Variants in CEP112 observed in about 807,000 individuals in gnomAD.
CEP112 encodes the protein centrosomal protein of 112 kDa.
CEP112 carries 127 observed loss-of-function variants against 153.0 expected under a neutral mutation model. The ratio of observed to expected loss-of-function variants is 0.83; its 90% CI spans 0.72 to 0.96. The LOEUF is 0.96. Ranked by LOEUF, CEP112 falls within the 40% of genes least tolerant of loss-of-function variation. CEP112 has a pLI of 0.00. For synonymous variants in CEP112, 358 were observed against 374.4 expected (o/e 0.96, Z 0.51); for missense variants, 1,089 against 1,101.2 (o/e 0.99, Z 0.16).
At chr17:65,688,632 G>T (rs1396877207) in intron 24 of CEP112, 1 of 155,034 alleles carries the variant, frequency 6.5e-6, no homozygotes, top group Non-Finnish European at 1.4e-5. Context: ...GCACCGGAGG[G>T]AGAGTCATGA....
chr17:65,978,158 G>A (rs755339891), intron 17 of CEP112, among the ~76,000 whole-genome samples: 3 of 152,140 alleles, frequency 2.0e-5, no homozygotes, highest in Non-Finnish European at 4.4e-5. Context: ...CTGGGAGGCT[G>A]AGGCAGGAGG....
At chr17:66,108,155 G>A (rs1297762761) in intron 6 of CEP112, among the ~76,000 whole-genome samples, 1 of 152,096 alleles carries the variant, frequency 6.6e-6, no homozygotes, top group Admixed American at 6.5e-5. Flanking sequence ...AAATAAAAAT[G>A]TAGGAAAAAC....
intron 19 of CEP112, 145 bp from the exon 20 acceptor site, chr17:65,902,479 C>G: frequency 1.8e-6 from 1 of 545,132 alleles, no homozygotes; most frequent in Non-Finnish European, 3.0e-6. Flanking sequence ...GAAATACTCT[C>G]ATTTGTTGGG....
At chr17:65,659,260 T>C (rs2046226748) in intron 24 of CEP112, among the ~76,000 whole-genome samples, 1 of 152,140 alleles carries the variant, frequency 6.6e-6, no homozygotes, top group African/African-American at 2.4e-5. Flanking sequence ...TCGTTCAAAA[T>C]ATCTGATTTA....
intron 22 of CEP112, 106 bp downstream of exon 22, chr17:65,750,556 A>T: frequency 1.1e-6 from 1 of 878,344 alleles, no homozygotes; most frequent in Admixed American, 2.1e-5. Context: ...TCCACAAAAA[A>T]AAACTGAAAA....
At chr17:66,025,292 TA>T (rs1282324233) in intron 16 of CEP112, among the ~76,000 whole-genome samples, 1 of 151,974 alleles carries the variant, frequency 6.6e-6, no homozygotes, top group East Asian at 1.9e-4. Context: ...GATTTAATTT[TA>T]AAAAAGCTTC....
intron 21 of CEP112, among the ~76,000 whole-genome samples, chr17:65,805,090 C>T (rs559013320): frequency 1.3e-5 from 2 of 152,068 alleles, no homozygotes; most frequent in Non-Finnish European, 2.9e-5. Context: ...CTCAAGTGAC[C>T]TGGCCACTTT....
chr17:66,146,477 C>T (rs1215406780), intron 4 of CEP112, among the ~76,000 whole-genome samples: 1 of 151,970 alleles, frequency 6.6e-6, no homozygotes, highest in Non-Finnish European at 1.5e-5. Context: ...ATTATTATAT[C>T]TTCTTTTTAA....
intron 20 of CEP112, among the ~76,000 whole-genome samples, chr17:65,889,042 T>C (rs74784181): frequency 6.6e-6 from 1 of 152,242 alleles, no homozygotes; most frequent in South Asian, 2.1e-4. Context: ...TAGTACCTAA[T>C]TGGCAAAGTT....
chr17:66,137,616 G>T (rs959835609), intron 4 of CEP112, among the ~76,000 whole-genome samples: 1 of 152,224 alleles, frequency 6.6e-6, no homozygotes, highest in East Asian at 1.9e-4. Flanking sequence ...ACTGTAAAAG[G>T]ATTTTTCAAC....
chr17:65,678,435 G>A (rs763292270), intron 24 of CEP112, among the ~76,000 whole-genome samples: 3 of 152,110 alleles, frequency 2.0e-5, no homozygotes, highest in Non-Finnish European at 2.9e-5. Context: ...TAATTTACTT[G>A]TTTGGAGTAA....
At chr17:66,117,350 C>T (rs1417214406) in intron 6 of CEP112, among the ~76,000 whole-genome samples, 1 of 152,060 alleles carries the variant, frequency 6.6e-6, no homozygotes. Context: ...GGAATATATC[C>T]TTGCAGGTCA....
At chr17:65,847,395 T>C (rs904255851) in intron 21 of CEP112, among the ~76,000 whole-genome samples, 1 of 151,792 alleles carries the variant, frequency 6.6e-6, no homozygotes, top group African/African-American at 2.4e-5. Context: ...GGCATTCCAC[T>C]GTTCAGCTGG....
At chr17:65,785,194 T>C (rs1160512240) in intron 21 of CEP112, among the ~76,000 whole-genome samples, 1 of 152,226 alleles carries the variant, frequency 6.6e-6, no homozygotes, top group African/African-American at 2.4e-5. Flanking sequence ...ATTGTGTGGA[T>C]ATACCACATT....
chr17:65,949,558 C>T (rs8066757), intron 18 of CEP112, among the ~76,000 whole-genome samples: 151,165 of 152,252 alleles, frequency 0.99, 75,056 homozygotes, highest in Middle Eastern at 1. Context: ...GGGTTCTTCG[C>T]TGGATCATTT....
intron 12 of CEP112, among the ~76,000 whole-genome samples, chr17:66,030,783 G>T (rs1162808702): frequency 6.6e-6 from 1 of 152,010 alleles, no homozygotes; most frequent in Non-Finnish European, 1.5e-5. Context: ...ATTAGATGAA[G>T]GGACAGTTAA....
rs528020188 is a variant in CEP112, at chr17:66,153,798, G to C, written c.471-21035C>G. On this transcript the variant is annotated intron_variant, in intron 4 of 26. Transcript: ENST00000535342. ...TAAGGCAGTGTAGTATTAGCACATA[G>C]ATAAACAGGCCAATGAAAGAAACTA... Among the ~76,000 whole-genome samples, 11 of 152,090 alleles carry C rather than the reference G, an allele frequency of 7.2e-5. No homozygotes were observed. In the South Asian group the frequency reaches 2.3e-3, roughly 32 times the overall value.
intron 23 of CEP112, among the ~76,000 whole-genome samples, chr17:65,700,949 A>T (rs2048600854): frequency 1.3e-5 from 2 of 152,218 alleles, no homozygotes; most frequent in South Asian, 4.1e-4. Context: ...AGGAATACAG[A>T]ATGAGGCTTA....
intron 12 of CEP112, among the ~76,000 whole-genome samples, chr17:66,048,910 A>T (rs1428509365): frequency 2.6e-5 from 4 of 152,108 alleles, no homozygotes; most frequent in Admixed American, 2.0e-4. Flanking sequence ...CGCCAGGCCA[A>T]AAAAGCACTA....
Sources: allele counts gnomAD v4.1 joint callset (sites outside exome capture counted in the v4.1 genomes callset), GRCh38; gene constraint gnomAD v4.1.1; transcripts MANE v1.5; gene names NCBI Gene and HGNC (gene_info 2026-07-23, HGNC 2026-07-21).